The following PPM1H variants were observed in gnomAD, a reference collection of about 807,000 sequenced individuals.
The protein encoded by PPM1H is protein phosphatase 1H.
A neutral mutation model predicts 54.9 loss-of-function variants in PPM1H; 27 were observed. That is an observed-to-expected ratio of 0.49 (90% CI 0.36 to 0.68). The LOEUF is 0.68. PPM1H is among the 30% of genes least tolerant of loss of function. The probability of loss-of-function intolerance (pLI) is 0.00; values close to 1 mark genes in which losing one functional copy is unlikely to be tolerated. For synonymous variants in PPM1H, 305 were observed against 270.8 expected, an observed-to-expected ratio of 1.13 and a Z score of -1.24; for missense variants, 596 against 667.8, an observed-to-expected ratio of 0.89 and a Z score of 1.19.
chr12:62,670,064 G>A (rs535039712), intron 8 of PPM1H, among the ~76,000 whole-genome samples: 82 of 124,306 alleles, frequency 6.6e-4, no homozygotes, highest in African/African-American at 1.8e-3. Flanking sequence ...TGCAACCTCT[G>A]CCTCCCAGGT....
chr12:62,825,955 A>G (rs1199396183), intron 2 of PPM1H, among the ~76,000 whole-genome samples: 1 of 152,086 alleles, frequency 6.6e-6, no homozygotes, highest in Non-Finnish European at 1.5e-5. Context: ...ACAGGAAATG[A>G]CATTCCTTCA....
rs77489917 is a variant in PPM1H, at chr12:62,691,956, C to G, written c.1137+1980G>C. 2.5e-3 allele frequency among the ~76,000 whole-genome samples: 374 copies of G among 152,292 alleles called. 2 individuals carry two copies. Among genetic ancestry groups the G allele is most frequent in the African/African-American group, 8.4e-3 (348 of 41,554 alleles). On this transcript the variant is annotated intron_variant, in intron 7 of 9. Coordinates refer to ENST00000228705, the MANE Select transcript of PPM1H (RefSeq NM_020700.2). ...CCTTGTGGCTCTCCTGCTCTCCTCCCTGAAATGGCGGCTTCTCTGTGTGCT... is the reference window on the plus strand; with the variant it reads ...CCTTGTGGCTCTCCTGCTCTCCTCCGTGAAATGGCGGCTTCTCTGTGTGCT...
intron 1 of PPM1H, among the ~76,000 whole-genome samples, chr12:62,905,440 C>T (rs1871276525): frequency 6.6e-6 from 1 of 151,988 alleles, no homozygotes; most frequent in Admixed American, 6.6e-5. Flanking sequence ...AATAGTAAGG[C>T]CATCTAAATG....
At chr12:62,695,858 T>A (rs2076111943) in intron 6 of PPM1H, among the ~76,000 whole-genome samples, 1 of 151,954 alleles carries the variant, frequency 6.6e-6, no homozygotes, top group Non-Finnish European at 1.5e-5. Context: ...GGCCCTGAGA[T>A]GAGCGTGAAC....
chr12:62,855,753 C>G (rs1251965265), intron 1 of PPM1H, among the ~76,000 whole-genome samples: 2 of 152,174 alleles, frequency 1.3e-5, no homozygotes, highest in Non-Finnish European at 2.9e-5. Context: ...AATTTTCATG[C>G]TTCTTTGCAT....
chr12:62,904,519 G>A (rs902886793), intron 1 of PPM1H, among the ~76,000 whole-genome samples: 1 of 152,154 alleles, frequency 6.6e-6, no homozygotes, highest in Admixed American at 6.5e-5. Context: ...TTCTTACAAT[G>A]CTGCACCCGA....
intron 2 of PPM1H, among the ~76,000 whole-genome samples, chr12:62,814,344 A>G (rs1001612308): frequency 6.6e-6 from 1 of 152,138 alleles, no homozygotes; most frequent in African/African-American, 2.4e-5. Context: ...TGGCCGCCCC[A>G]AGAAGCTAGG....
intron 1 of PPM1H, among the ~76,000 whole-genome samples, chr12:62,837,907 C>A (rs1868551813): frequency 6.6e-6 from 1 of 152,178 alleles, no homozygotes; most frequent in South Asian, 2.1e-4. Flanking sequence ...ACATCCAGAG[C>A]CTTCAGGGAC....
chr12:62,873,572 A>T (rs1473613020), intron 1 of PPM1H, among the ~76,000 whole-genome samples: 2 of 152,246 alleles, frequency 1.3e-5, no homozygotes, highest in African/African-American at 4.8e-5. Context: ...AAAGTTACAA[A>T]GTTGCTGAAT....
rs1274209932 is a variant in PPM1H, at chr12:62,934,062, A to C, written c.245+430T>G. 4 of 158,420 alleles carry C rather than the reference A, an allele frequency of 2.5e-5. No homozygotes were observed. The highest frequency in any genetic ancestry group is 7.2e-5 in the African/African-American group (3 of 41,852). 9.8% of individuals were successfully genotyped at this position (158,420 alleles called of 1,614,324 possible). A position where few individuals can be genotyped will look rare whatever the true frequency, so the allele number is the denominator to read the frequency against. ...CCCAGGCGCAGTGACATCTCCTCCA[A>C]GCCTCCACCCCCATAAACTCTTCAT... is the stretch of plus-strand genomic sequence containing the variant. On this transcript the variant is annotated intron_variant, in intron 1 of 9. Transcript: ENST00000228705. This position sits in a 1 kb window ranked among gnomAD's most constrained non-coding sequence, Gnocchi z 4.2.
intron 1 of PPM1H, among the ~76,000 whole-genome samples, chr12:62,899,225 C>G (rs1180504134): frequency 6.6e-6 from 1 of 151,850 alleles, no homozygotes; most frequent in Non-Finnish European, 1.5e-5. Context: ...ATCTGACAGC[C>G]TGGGGAAAGA....
chr12:62,774,879 G>T (rs2076600699), intron 4 of PPM1H, among the ~76,000 whole-genome samples: 1 of 152,134 alleles, frequency 6.6e-6, no homozygotes, highest in Non-Finnish European at 1.5e-5. Flanking sequence ...AACAGGTGGC[G>T]ATCCAGGTTC....
At chr12:62,875,904 T>A (rs533121255) in intron 1 of PPM1H, among the ~76,000 whole-genome samples, 2 of 152,266 alleles carry the variant, frequency 1.3e-5, no homozygotes, top group South Asian at 4.1e-4. Context: ...GTTGACTAGA[T>A]GGTATATTGG....
At chr12:62,665,427 A>G (rs1479515284) in intron 9 of PPM1H, among the ~76,000 whole-genome samples, 1 of 152,200 alleles carries the variant, frequency 6.6e-6, no homozygotes, top group Non-Finnish European at 1.5e-5. Context: ...TATTGACAAA[A>G]AATTCTGGAA....
chr12:62,923,697 T>A (rs954653207), intron 1 of PPM1H, among the ~76,000 whole-genome samples: 2 of 152,178 alleles, frequency 1.3e-5, no homozygotes, highest in Non-Finnish European at 2.9e-5. Flanking sequence ...CCACTGAGCC[T>A]GGCCGAAAAT....
intron 6 of PPM1H, among the ~76,000 whole-genome samples, chr12:62,697,906 TTTTGGGCCAATTCCTTAATGA>T (rs1319256044): frequency 7.2e-5 from 11 of 152,262 alleles, no homozygotes; most frequent in Non-Finnish European, 1.2e-4. Context: ...CTTATTAATA[TTTTGGGCCAATTCCTTAATGA>T]GTATTTATGA....
chr12:62,748,157 G>A (rs1035814032), intron 4 of PPM1H, among the ~76,000 whole-genome samples: 1 of 152,026 alleles, frequency 6.6e-6, no homozygotes, highest in Non-Finnish European at 1.5e-5. Context: ...GCAGGAGAAT[G>A]GCGTGAACCC....
At chr12:62,689,443 A>G (rs766223658) in intron 8 of PPM1H, among the ~76,000 whole-genome samples, 1 of 152,148 alleles carries the variant, frequency 6.6e-6, no homozygotes, top group Non-Finnish European at 1.5e-5. Flanking sequence ...CCTGACTGCA[A>G]TAAGTAGCAT....
chr12:62,839,556 C>T (rs576532455), intron 1 of PPM1H, among the ~76,000 whole-genome samples: 40 of 152,002 alleles, frequency 2.6e-4, no homozygotes, highest in African/African-American at 9.2e-4. Flanking sequence ...TAGTTTACCC[C>T]AGATCTTACT....
Sources: gnomAD v4.1 joint callset for allele counts (sites outside exome capture counted in the v4.1 genomes callset) on GRCh38, gnomAD v4.1.1 for gene constraint, Gnocchi (gnomAD v3.1) non-coding constraint, MANE v1.5 for transcripts, NCBI Gene and HGNC (gene_info 2026-07-23, HGNC 2026-07-21) for gene names.